USP34: variants seen among roughly 807,000 people sequenced by gnomAD.
USP34 encodes the protein ubiquitin specific peptidase 34, also known as ubiquitin carboxyl-terminal hydrolase 34.
Under a neutral mutation model 460.3 loss-of-function variants are expected in USP34, and 70 were observed. The observed-to-expected ratio is 0.15, with a 90% CI of 0.13 to 0.19. USP34 has a LOEUF of 0.19. USP34 is among the 10% of genes least tolerant of loss of function. The pLI is 1.00. For synonymous variants in USP34, 1,647 were observed against 1,405.3 expected (o/e 1.17, Z -3.85); for missense variants, 3,985 against 4,236.2 (o/e 0.94, Z 1.65).
chr2:61,333,175 C>T (rs773157613), intron 19 of USP34, among the ~76,000 whole-genome samples: 1 of 151,910 alleles, frequency 6.6e-6, no homozygotes, highest in African/African-American at 2.4e-5. Flanking sequence ...AACATGGGGT[C>T]GATTTCACAT....
At position 61,188,382 on chromosome 2, in the gene USP34, TGGA is replaced by T; in HGVS notation, c.10358_10360del (p.Leu3453del). ...AGCTAGGGTAGAATCCTTGGAACAG[TGGA>T]GGTCTTTAAATTCTTTACAATCGTC... On this transcript the variant is annotated inframe_deletion, in exon 80 of 80. Coordinates refer to ENST00000398571, the MANE Select transcript of USP34 (RefSeq NM_014709.4). 1.9e-6 allele frequency: 3 copies of T among 1,614,064 alleles called. No individual in the cohort carries two copies. The highest frequency in any genetic ancestry group is 2.5e-6 in the Non-Finnish European group (3 of 1,180,024).
Position 61,283,134 on chromosome 2 carries a change from C to T in USP34, c.4998+11G>A, listed in dbSNP as rs1689584772. 1.2e-6 allele frequency: 2 copies of T among 1,611,900 alleles called. No individual in the cohort carries two copies. Among genetic ancestry groups the T allele is most frequent in the African/African-American group, 1.3e-5 (1 of 74,910 alleles). ...AAAAATAACAGTACTAACCTTCAAT[C>T]TTTATCTTACCTCAGGAATAAGGAG... On this transcript the variant is annotated intron_variant, in intron 37 of 79. Transcript: ENST00000398571.
chr2:61,322,583 C>G (rs1690959150), intron 21 of USP34, among the ~76,000 whole-genome samples: 1 of 152,112 alleles, frequency 6.6e-6, no homozygotes, highest in African/African-American at 2.4e-5. Flanking sequence ...CCAGAAGGGG[C>G]ATGATGGTAT....
intron 2 of USP34, among the ~76,000 whole-genome samples, chr2:61,414,116 C>T (rs1458959707): frequency 3.3e-5 from 5 of 151,532 alleles, no homozygotes; most frequent in East Asian, 1.9e-4. Context: ...AGAAATTAGC[C>T]GGGCAGCGTG....
At chr2:61,367,556 T>A (rs1692478459) in intron 10 of USP34, among the ~76,000 whole-genome samples, 2 of 152,110 alleles carry the variant, frequency 1.3e-5, no homozygotes, top group African/African-American at 2.4e-5. Context: ...ACCTAAGAAT[T>A]CAGTGAAGGC....
At chr2:61,222,538 C>T (rs1055420035) in intron 65 of USP34, 81 bp downstream of exon 65, 20 of 1,160,172 alleles carry the variant, frequency 1.7e-5, no homozygotes, top group African/African-American at 7.8e-5. Context: ...AATTTGTTCT[C>T]GAGAACAATT....
At chr2:61,438,478 T>C (rs945109716) in intron 1 of USP34, among the ~76,000 whole-genome samples, 2 of 152,068 alleles carry the variant, frequency 1.3e-5, no homozygotes, top group South Asian at 2.1e-4. Flanking sequence ...CCACAAGCTG[T>C]AATCCTAGCT....
At chr2:61,452,293 T>C (rs372254213) in intron 1 of USP34, among the ~76,000 whole-genome samples, 1 of 149,264 alleles carries the variant, frequency 6.7e-6, no homozygotes, top group East Asian at 2.0e-4. Context: ...CCAAGTGAAG[T>C]GGCTCGTGCC....
intron 20 of USP34, among the ~76,000 whole-genome samples, chr2:61,327,142 ATCCCAAAATTAGCT>A (rs957647760): frequency 1.3e-5 from 2 of 152,152 alleles, no homozygotes; most frequent in African/African-American, 4.8e-5. Context: ...TTTTAACAGC[ATCCCAAAATTAGCT>A]TCCCAAAATC....
intron 1 of USP34, among the ~76,000 whole-genome samples, chr2:61,443,238 A>G (rs1010003862): frequency 6.7e-4 from 102 of 152,304 alleles, no homozygotes; most frequent in African/African-American, 2.3e-3. Flanking sequence ...TGAAATGACT[A>G]CAGTTAACAA....
chr2:61,270,378 C>T (rs149226125), intron 41 of USP34, among the ~76,000 whole-genome samples: 97 of 152,284 alleles, frequency 6.4e-4, no homozygotes, highest in Admixed American at 1.1e-3. Flanking sequence ...TGTACTACTC[C>T]CAGCCTCCAG....
intron 1 of USP34, among the ~76,000 whole-genome samples, chr2:61,423,090 C>T (rs568651118): frequency 1.3e-4 from 20 of 152,240 alleles, no homozygotes; most frequent in African/African-American, 4.8e-4. Flanking sequence ...ATTCAAAACA[C>T]AAAAATCAGA....
In USP34 at chr2:61,204,591, C is replaced by T; in HGVS notation, c.9165G>A (p.Lys3055=). 3.1e-6 allele frequency: 5 copies of T among 1,613,128 alleles called. No individual in the cohort carries two copies. The highest frequency in any genetic ancestry group is 4.2e-6 in the Non-Finnish European group (5 of 1,179,786). ...ELRNACIDVL[K]ELVLLSPHDF... is the part of the protein sequence containing the mutation. Reference sequence around the variant, plus strand: ...CATGGGGACTCAAAAGTACAAGTTCCTTGAGGACATCTGAAAATAAAAACA... The same window carrying T: ...CATGGGGACTCAAAAGTACAAGTTCTTTGAGGACATCTGAAAATAAAAACA... The change falls in exon 73 of 80, where the codon AAG becomes AAA. Residue 3055 remains lysine, a synonymous_variant. Coordinates refer to ENST00000398571, the MANE Select transcript of USP34 (RefSeq NM_014709.4).
chr2:61,354,570 TTCCAGCC>T (rs918596041), intron 10 of USP34, among the ~76,000 whole-genome samples: 9 of 152,120 alleles, frequency 5.9e-5, no homozygotes, highest in African/African-American at 2.2e-4. Flanking sequence ...CAAACTCTAG[TTCCAGCC>T]TCCCGCTGCT....
intron 5 of USP34, among the ~76,000 whole-genome samples, chr2:61,386,470 G>A (rs935723864): frequency 6.6e-6 from 1 of 151,962 alleles, no homozygotes; most frequent in South Asian, 2.1e-4. Flanking sequence ...CCTGATCAAG[G>A]TAAGCAAGAA....
chr2:61,375,001 C>A (rs1692748392), intron 8 of USP34, among the ~76,000 whole-genome samples: 1 of 152,192 alleles, frequency 6.6e-6, no homozygotes, highest in South Asian at 2.1e-4. Context: ...CATACGACAA[C>A]AGCAGAATGT....
chr2:61,258,178 A>T (rs916938728), intron 44 of USP34, among the ~76,000 whole-genome samples: 2 of 151,958 alleles, frequency 1.3e-5, no homozygotes, highest in African/African-American at 2.4e-5. Flanking sequence ...ACATAGTGAG[A>T]CTCTGTCTCT....
At chr2:61,425,112 C>A (rs938704761) in intron 1 of USP34, among the ~76,000 whole-genome samples, 1 of 152,118 alleles carries the variant, frequency 6.6e-6, no homozygotes, top group African/African-American at 2.4e-5. Context: ...GCCCAGCTGC[C>A]ACTGATTTTT....
intron 27 of USP34, among the ~76,000 whole-genome samples, chr2:61,306,379 T>C (rs975142735): frequency 1.3e-5 from 2 of 152,304 alleles, no homozygotes; most frequent in Non-Finnish European, 2.9e-5. Flanking sequence ...CAGATGGTTG[T>C]AGATGTGTGG....
Sources: gnomAD v4.1 joint callset for allele counts (sites outside exome capture counted in the v4.1 genomes callset) on GRCh38, gnomAD v4.1.1 for gene constraint, MANE v1.5 for transcripts, NCBI Gene and HGNC (gene_info 2026-07-23, HGNC 2026-07-21) for gene names.